Variants in ADGB observed in about 807,000 individuals in gnomAD.
ADGB encodes the protein calpain-7-like protein.
Under a neutral mutation model 210.5 loss-of-function variants are expected in ADGB, and 172 were observed. The observed-to-expected ratio is 0.82, with a 90% CI of 0.72 to 0.93. ADGB has a LOEUF of 0.93. ADGB is among the 40% of genes least tolerant of loss of function. The probability of loss-of-function intolerance (pLI) is 0.00; values close to 1 mark genes in which losing one functional copy is unlikely to be tolerated. For missense variants in ADGB, 2,025 were observed against 1,964.8 expected (o/e 1.03, Z -0.58); for synonymous variants, 658 against 662.7 (o/e 0.99, Z 0.11).
At chr6:146,687,883 A>G in intron 10 of ADGB, among the ~76,000 whole-genome samples, 1 of 152,148 alleles carries the variant, frequency 6.6e-6, no homozygotes, top group East Asian at 1.9e-4. Context: ...AGCACAGGAT[A>G]AAAGCATTAC....
chr6:146,655,650 T>G (rs1775768848), intron 4 of ADGB, among the ~76,000 whole-genome samples: 1 of 152,188 alleles, frequency 6.6e-6, no homozygotes. Context: ...TTATACATAT[T>G]AGTATAAAAT....
At chr6:146,768,597 T>C (rs752613154) in intron 28 of ADGB, among the ~76,000 whole-genome samples, 2 of 152,116 alleles carry the variant, frequency 1.3e-5, no homozygotes, top group Non-Finnish European at 2.9e-5. Context: ...ATAGTGAACA[T>C]TTAATTGTAA....
At chr6:146,614,584 A>T (rs1035699563) in intron 1 of ADGB, among the ~76,000 whole-genome samples, 1 of 152,212 alleles carries the variant, frequency 6.6e-6, no homozygotes, top group African/African-American at 2.4e-5. Flanking sequence ...TTATTAATAC[A>T]TAACTGTACA....
At chr6:146,680,988 C>G (rs1035404250) in intron 9 of ADGB, among the ~76,000 whole-genome samples, 1 of 152,124 alleles carries the variant, frequency 6.6e-6, no homozygotes, top group African/African-American at 2.4e-5. Context: ...ATTGCAGGTG[C>G]AAGGTGTTTG....
At position 146,716,895 on chromosome 6, in the gene ADGB, A is replaced by C. The variant is rs1562281959; in HGVS notation, c.1754A>C (p.Gln585Pro). ...GTGTGTCTTCTAGGCACAGATGAAC[A>C]AACAGACTTTGGATTGGGTGATGCT... ...QVILGKGTDEQTDFGLGDAHQ... is the reference protein window; with the variant it reads ...QVILGKGTDEPTDFGLGDAHQ... Residue 585 changes from glutamine (Q) to proline (P), a missense_variant, in exon 15 of 36, where the codon CAA becomes CCA. By Grantham distance (76) the Gln-to-Pro change is moderately conservative (BLOSUM62 -1). Coordinates refer to ENST00000397944, the MANE Select transcript of ADGB (RefSeq NM_024694.4). 2 of 1,549,120 alleles carry C rather than the reference A, an allele frequency of 1.3e-6. No individual in the cohort carries two copies. The highest frequency in any genetic ancestry group is 8.7e-7 in the Non-Finnish European group (1 of 1,145,706).
chr6:146,688,298 A>C (rs1446600564), intron 10 of ADGB, among the ~76,000 whole-genome samples: 1 of 152,134 alleles, frequency 6.6e-6, no homozygotes, highest in Non-Finnish European at 1.5e-5. Context: ...TGAAAAAAAA[A>C]ATGAATGAAA....
At position 146,724,237 on chromosome 6, in the gene ADGB, C is replaced by A; in HGVS notation, c.2147C>A (p.Thr716Lys). Residue 716 changes from threonine (T) to lysine (K), a missense_variant, in exon 18 of 36, where the codon ACG becomes AAG. Thr to Lys is a moderately conservative substitution (Grantham distance 78). Transcript: ENST00000397944. Reference protein sequence around the residue: ...PIEPGLLTAETFSWKSLKPGS... With the variant: ...PIEPGLLTAEKFSWKSLKPGS... ...GAGCCTGGACTTCTCACAGCTGAAA[C>A]GTTTTCTTGGAAATCCCTGAAACCA... The A allele has an allele frequency of 6.4e-7, 1 of 1,551,036 alleles. No homozygotes were observed. The highest frequency in any genetic ancestry group is 8.7e-7 in the Non-Finnish European group (1 of 1,146,714).
chr6:146,737,112 A>G (rs1298881767), intron 23 of ADGB, among the ~76,000 whole-genome samples: 3 of 152,074 alleles, frequency 2.0e-5, no homozygotes, highest in Non-Finnish European at 2.9e-5. Context: ...ATGTGGAACC[A>G]TACCCTCTGG....
At chr6:146,635,354 C>T (rs2114858860) in intron 1 of ADGB, 21 bp from the exon 2 acceptor site, 1 of 1,411,858 alleles carries the variant, frequency 7.1e-7, no homozygotes, top group Non-Finnish European at 9.3e-7. Context: ...CCTAACCCAC[C>T]CACTCTCTGT....
chr6:146,784,496 AAT>A (rs1777845270), intron 30 of ADGB, 120 bp from the exon 31 acceptor site: 4 of 821,724 alleles, frequency 4.9e-6, no homozygotes, highest in Non-Finnish European at 7.0e-6. Context: ...GTCTTTTGTG[AAT>A]ATATGTTTTC....
chr6:146,670,861 G>A (rs17076189), intron 7 of ADGB, among the ~76,000 whole-genome samples: 2,475 of 152,264 alleles, frequency 0.016, 45 homozygotes, highest in Admixed American at 0.044. Flanking sequence ...CTAGGAGAGC[G>A]TAAAAGATTC....
intron 1 of ADGB, among the ~76,000 whole-genome samples, chr6:146,612,447 T>A (rs1780725510): frequency 6.6e-6 from 1 of 152,172 alleles, no homozygotes; most frequent in Non-Finnish European, 1.5e-5. Context: ...CTATCTTCCC[T>A]GTAATCTTAA....
At chr6:146,625,032 G>T (rs116572143) in intron 1 of ADGB, among the ~76,000 whole-genome samples, 2 of 152,000 alleles carry the variant, frequency 1.3e-5, no homozygotes, top group South Asian at 4.1e-4. Context: ...TGAAAAGAAT[G>T]TGTATTCTGT....
intron 3 of ADGB, among the ~76,000 whole-genome samples, chr6:146,649,962 G>A (rs865926343): frequency 7.9e-5 from 12 of 152,048 alleles, no homozygotes; most frequent in Admixed American, 4.6e-4. Flanking sequence ...ATATCTAAAC[G>A]TGTATATGTA....
At chr6:146,622,628 C>T (rs919293746) in intron 1 of ADGB, among the ~76,000 whole-genome samples, 1 of 152,174 alleles carries the variant, frequency 6.6e-6, no homozygotes, top group Admixed American at 6.6e-5. Context: ...GGGTACAAAC[C>T]TTTTACCAGG....
chr6:146,664,052 A>T, intron 5 of ADGB, 149 bp from the exon 6 acceptor site: 1 of 725,994 alleles, frequency 1.4e-6, no homozygotes, highest in Non-Finnish European at 2.2e-6. Context: ...CCAGAGTAGT[A>T]TTGAAATCCA....
intron 33 of ADGB, among the ~76,000 whole-genome samples, chr6:146,795,041 C>G (rs1778019697): frequency 6.6e-6 from 1 of 151,984 alleles, no homozygotes; most frequent in East Asian, 1.9e-4. Flanking sequence ...ATTGGTGACC[C>G]CAAGGAAGCC....
chr6:146,747,445 C>A (rs915752886), intron 26 of ADGB, among the ~76,000 whole-genome samples: 1 of 152,080 alleles, frequency 6.6e-6, no homozygotes, highest in East Asian at 1.9e-4. Context: ...AGTCATCAAG[C>A]TGAGTGGTGA....
intron 19 of ADGB, among the ~76,000 whole-genome samples, chr6:146,726,935 A>C (rs534923641): frequency 1.5e-3 from 233 of 152,156 alleles, no homozygotes; most frequent in Non-Finnish European, 2.8e-3. Context: ...AGTAGCTCAG[A>C]AGGTTCTGTC....
Sources: gnomAD v4.1 joint callset for allele counts (sites outside exome capture counted in the v4.1 genomes callset) on GRCh38, gnomAD v4.1.1 for gene constraint, MANE v1.5 for transcripts, NCBI Gene and HGNC (gene_info 2026-07-23, HGNC 2026-07-21) for gene names.